FXN: variants seen among roughly 807,000 people sequenced by gnomAD.
FXN encodes frataxin, mitochondrial.
A neutral mutation model predicts 22.4 loss-of-function variants in FXN; 14 were observed. The ratio of observed to expected loss-of-function variants is 0.62; its 90% CI spans 0.41 to 0.98. The LOEUF (loss-of-function observed/expected upper bound fraction) is 0.98, where lower values mean the gene tolerates loss of function less well. Ranked by LOEUF, FXN falls within the 50% of genes least tolerant of loss-of-function variation. The probability of loss-of-function intolerance (pLI) is 0.00; values close to 1 mark genes in which losing one functional copy is unlikely to be tolerated. For missense variants in FXN, 267 were observed against 268.4 expected (o/e 0.99, Z 0.04); for synonymous variants, 120 against 114.1 (o/e 1.05, Z -0.33).
At chr9:69,040,679 T>A (rs7030480) in intron 1 of FXN, among the ~76,000 whole-genome samples, 32,775 of 150,880 alleles carry the variant, frequency 0.22, 3,585 homozygotes, top group Middle Eastern at 0.29. Context: ...AAGAAAAAAA[T>A]AAATAAATAA....
chr9:69,063,828 C>T (rs35492794), intron 3 of FXN, among the ~76,000 whole-genome samples: 2,349 of 152,214 alleles, frequency 0.015, 18 homozygotes, highest in Non-Finnish European at 0.023. Context: ...GGACCACAGG[C>T]GCATGCCACC....
At chr9:69,070,212 C>G (rs1328106323) in intron 4 of FXN, among the ~76,000 whole-genome samples, 3 of 148,144 alleles carry the variant, frequency 2.0e-5, no homozygotes, top group Non-Finnish European at 4.5e-5. Context: ...CTGGGTGACA[C>G]AGTGAGACCC....
chr9:69,075,542 A>C lies in FXN; in HGVS notation c.*2780A>C. 3.0e-6 allele frequency: 3 copies of C among 985,204 alleles called. No homozygotes were observed. The highest frequency in any genetic ancestry group is 3.6e-6 in the Non-Finnish European group (3 of 829,788). The allele number at this position is 985,204 out of a possible 1,614,324, so 61.0% of individuals were successfully genotyped here. A position where few individuals can be genotyped will look rare whatever the true frequency, so the allele number is the denominator to read the frequency against. On this transcript the variant is annotated 3_prime_UTR_variant, in exon 5 of 5. Transcript: ENST00000484259. The stretch of plus-strand genomic sequence containing the variant: ...GAATCAAAATCATATTCTGTCAAGC[A>C]AACTGGAAAAGTACCACTGTGTGTA...
rs541223608 is a variant in FXN, at chr9:69,076,883, C to T, written c.*4121C>T. 1.3e-4 allele frequency: 124 copies of T among 985,402 alleles called. No homozygotes were observed. The highest frequency in any genetic ancestry group is 1.9e-4 in the South Asian group (4 of 21,280). 61.0% of individuals were successfully genotyped at this position (985,402 alleles called of 1,614,324 possible). The stretch of plus-strand genomic sequence containing the variant: ...TCATGTAAATTTATGCTGTTCAAAA[C>T]GACGAGTTCATGACTTTGTGTATAG... On this transcript the variant is annotated 3_prime_UTR_variant, in exon 5 of 5. Coordinates refer to ENST00000484259, the MANE Select transcript of FXN (RefSeq NM_000144.5).
At chr9:69,056,889 C>T (rs898100899) in intron 3 of FXN, among the ~76,000 whole-genome samples, 1 of 146,834 alleles carries the variant, frequency 6.8e-6, no homozygotes, top group Non-Finnish European at 1.5e-5. Context: ...ATTACAGGCG[C>T]CTGCCACCAC....
chr9:69,059,044 G>A (rs1832016456), intron 3 of FXN, among the ~76,000 whole-genome samples: 1 of 151,974 alleles, frequency 6.6e-6, no homozygotes, highest in Non-Finnish European at 1.5e-5. Context: ...CTCCAGCCTG[G>A]GCGACAGAGC....
In FXN at chr9:69,076,893, A is replaced by G. The variant is rs981123559; in HGVS notation, c.*4131A>G. 1 of 985,330 alleles carries G rather than the reference A, an allele frequency of 1.0e-6. No homozygotes were observed. Among genetic ancestry groups the G allele is most frequent in the Non-Finnish European group, 1.2e-6 (1 of 829,960 alleles). 61.0% of individuals were successfully genotyped at this position (985,330 alleles called of 1,614,324 possible). On this transcript the variant is annotated 3_prime_UTR_variant, in exon 5 of 5. Coordinates refer to ENST00000484259, the MANE Select transcript of FXN (RefSeq NM_000144.5). ...TTATGCTGTTCAAAACGACGAGTTC[A>G]TGACTTTGTGTATAGAGTAAGAAAT...
At chr9:69,063,551 T>G (rs943342614) in intron 3 of FXN, among the ~76,000 whole-genome samples, 2 of 152,174 alleles carry the variant, frequency 1.3e-5, no homozygotes, top group Non-Finnish European at 2.9e-5. Flanking sequence ...TTCTATACAT[T>G]TGTTTTTGAA....
chr9:69,056,200 G>A (rs2309394), intron 3 of FXN, among the ~76,000 whole-genome samples: 70,438 of 152,046 alleles, frequency 0.46, 16,409 homozygotes, highest in Non-Finnish European at 0.48. Context: ...AATTTAGAAA[G>A]GAGGACTATT....
At chr9:69,060,192 C>A (rs921307339) in intron 3 of FXN, among the ~76,000 whole-genome samples, 1 of 152,056 alleles carries the variant, frequency 6.6e-6, no homozygotes, top group Non-Finnish European at 1.5e-5. Flanking sequence ...CACGGTGAAA[C>A]CCCGTCTCTA....
At chr9:69,058,873 C>T (rs563595304) in intron 3 of FXN, among the ~76,000 whole-genome samples, 9 of 152,154 alleles carry the variant, frequency 5.9e-5, no homozygotes, top group East Asian at 1.9e-4. Context: ...TCGAGACCAT[C>T]CTGGCTAACA....
intron 2 of FXN, among the ~76,000 whole-genome samples, chr9:69,047,644 A>T (rs1218921180): frequency 6.6e-6 from 1 of 152,198 alleles, no homozygotes; most frequent in Admixed American, 6.5e-5. Flanking sequence ...CTTCCTGCTA[A>T]TAACAGTTTG....
At chr9:69,064,073 G>T (rs570401708) in intron 3 of FXN, among the ~76,000 whole-genome samples, 2 of 152,272 alleles carry the variant, frequency 1.3e-5, no homozygotes, top group Admixed American at 6.5e-5. Context: ...GAAAAAGGCT[G>T]CCACCGTGTA....
rs1267535716 is a variant in FXN, at chr9:69,076,475, T to G, written c.*3713T>G. The G allele has an allele frequency of 1.0e-6, 1 of 985,330 alleles. No homozygotes were observed. Among genetic ancestry groups the G allele is most frequent in the Non-Finnish European group, 1.2e-6 (1 of 829,932 alleles). The allele number at this position is 985,330 out of a possible 1,614,324, so 61.0% of individuals were successfully genotyped here. A position where few individuals can be genotyped will look rare whatever the true frequency, so the allele number is the denominator to read the frequency against. On this transcript the variant is annotated 3_prime_UTR_variant, in exon 5 of 5. Coordinates refer to ENST00000484259, the MANE Select transcript of FXN (RefSeq NM_000144.5). ...TCTGATTCCCTGGAACCATTTATCG[T>G]GTGCCTTACCATGCTTATATTTTAC...
Position 69,064,979 on chromosome 9 carries a change from C to T in FXN, c.426C>T (p.Thr142=), listed in dbSNP as rs761909026. 1.2e-5 allele frequency: 19 copies of T among 1,613,660 alleles called. No homozygotes were observed. In the South Asian group the frequency reaches 2.0e-4, roughly 17 times the overall value. Residue 142 remains threonine (T), a synonymous_variant, in exon 4 of 5, where the codon ACC becomes ACT. Transcript: ENST00000484259. ...TCAAACTGGGTGGAGATCTAGGAAC[C>T]TATGTGATCAACAAGCAGACGCCAA... ...LTVKLGGDLG[T]YVINKQTPNK...
chr9:69,074,135 G>A lies in FXN; in HGVS notation c.*1373G>A. The A allele has an allele frequency of 1.8e-6, 1 of 565,522 alleles. No individual in the cohort carries two copies. Among genetic ancestry groups the A allele is most frequent in the Non-Finnish European group, 2.2e-6 (1 of 446,836 alleles). 35.0% of individuals were successfully genotyped at this position (565,522 alleles called of 1,614,324 possible). ...AGAGGTGGAGGTTGCAGTGAGCCGA[G>A]ATCGTGCCATTGCACTGTAACCTGG... On this transcript the variant is annotated 3_prime_UTR_variant, in exon 5 of 5. Coordinates refer to ENST00000484259, the MANE Select transcript of FXN (RefSeq NM_000144.5).
intron 3 of FXN, among the ~76,000 whole-genome samples, chr9:69,059,532 T>C (rs1008473173): frequency 4.6e-5 from 7 of 150,962 alleles, no homozygotes; most frequent in Non-Finnish European, 1.0e-4. Context: ...CCCGAGTAAC[T>C]GGGATTACAG....
chr9:69,047,058 G>A (rs1466853732), intron 2 of FXN, among the ~76,000 whole-genome samples: 3 of 152,134 alleles, frequency 2.0e-5, no homozygotes, highest in Admixed American at 1.3e-4. Flanking sequence ...TGACTGTAAG[G>A]GAGGCTGGGA....
rs770852732 is a variant in FXN at position 69,078,347 on chromosome 9, A to G, written c.*5585A>G. On this transcript the variant is annotated 3_prime_UTR_variant, in exon 5 of 5. Transcript: ENST00000484259. ...CAGTTCCCCTTGAAAGTTTCACCAA[A>G]CATCCCTTAAATCTGCCCTCTCCTG... 330 of 985,312 alleles carry G rather than the reference A, an allele frequency of 3.3e-4. No individual in the cohort carries two copies. The highest frequency in any genetic ancestry group is 3.7e-4 in the Non-Finnish European group (306 of 829,948). 61.0% of individuals were successfully genotyped at this position (985,312 alleles called of 1,614,324 possible).
Sources: allele counts gnomAD v4.1 joint callset (sites outside exome capture counted in the v4.1 genomes callset), GRCh38; gene constraint gnomAD v4.1.1; transcripts MANE v1.5; gene names NCBI Gene and HGNC (gene_info 2026-07-23, HGNC 2026-07-21).